The following AKAP19 variants were observed in gnomAD, a reference collection of about 807,000 sequenced individuals.
The protein encoded by AKAP19 is small A-kinase anchoring protein.
At chr2:189,902,068 A>G in the AKAP19 span, among the ~76,000 whole-genome samples, 3 of 152,136 alleles carry the variant, frequency 2.0e-5, no homozygotes, top group Non-Finnish European at 4.4e-5. Flanking sequence ...CTATTATATT[A>G]GAACCATACT....
chr2:189,995,788 C>G, the AKAP19 span, among the ~76,000 whole-genome samples: 8 of 151,750 alleles, frequency 5.3e-5, no homozygotes, highest in Admixed American at 6.6e-5. Context: ...ATATAGAACT[C>G]CTTTTAGCAT....
chr2:189,926,909 G>A, the AKAP19 span, among the ~76,000 whole-genome samples: 1 of 151,186 alleles, frequency 6.6e-6, no homozygotes, highest in Non-Finnish European at 1.5e-5. Context: ...TAAGAGCAAG[G>A]ATCTTACTTT....
At chr2:190,168,744 CAA>C in the AKAP19 span, among the ~76,000 whole-genome samples, 1 of 152,292 alleles carries the variant, frequency 6.6e-6, no homozygotes, top group Non-Finnish European at 1.5e-5. Flanking sequence ...TAAAACATAA[CAA>C]GAGTCACTTT....
the AKAP19 span, among the ~76,000 whole-genome samples, chr2:190,003,692 C>T: frequency 2.0e-5 from 3 of 152,004 alleles, no homozygotes; most frequent in Non-Finnish European, 4.4e-5. Context: ...GGAGAAACCC[C>T]GTCTTTACTA....
chr2:189,958,057 G>A, the AKAP19 span, among the ~76,000 whole-genome samples: 4 of 152,174 alleles, frequency 2.6e-5, no homozygotes, highest in Non-Finnish European at 5.9e-5. Context: ...GCCTCCCAAA[G>A]TGGTGGGATT....
At chr2:190,023,869 A>G in the AKAP19 span, among the ~76,000 whole-genome samples, 11 of 150,926 alleles carry the variant, frequency 7.3e-5, no homozygotes, top group Admixed American at 6.6e-4. Context: ...AAGTAAAGCT[A>G]TATTAGTTAC....
At chr2:189,996,589 C>G in the AKAP19 span, among the ~76,000 whole-genome samples, 10 of 152,218 alleles carry the variant, frequency 6.6e-5, no homozygotes, top group Middle Eastern at 3.4e-3. Flanking sequence ...AATTCTTCAT[C>G]TGGTAATTCA....
At chr2:190,022,170 C>T in the AKAP19 span, among the ~76,000 whole-genome samples, 1 of 152,120 alleles carries the variant, frequency 6.6e-6, no homozygotes, top group Non-Finnish European at 1.5e-5. Context: ...CTTTTCAGTA[C>T]TGCCACATTG....
the AKAP19 span, among the ~76,000 whole-genome samples, chr2:190,193,325 C>T: frequency 1.7e-4 from 26 of 151,980 alleles, no homozygotes; most frequent in Non-Finnish European, 1.3e-4. Context: ...CCATTTTACA[C>T]GTTAGATTCA....
At chr2:190,124,915 A>C in the AKAP19 span, among the ~76,000 whole-genome samples, 1,853 of 152,158 alleles carry the variant, frequency 0.012, 35 homozygotes, top group African/African-American at 0.041. Flanking sequence ...AATCGAAGAC[A>C]AAAACACACA....
chr2:190,031,484 C>T, the AKAP19 span, among the ~76,000 whole-genome samples: 1 of 152,034 alleles, frequency 6.6e-6, no homozygotes. Flanking sequence ...TCAGAGAGCT[C>T]TTAAAAGACT....
chr2:190,112,772 C>T, the AKAP19 span, among the ~76,000 whole-genome samples: 1 of 151,988 alleles, frequency 6.6e-6, no homozygotes, highest in African/African-American at 2.4e-5. Context: ...TAGGATTTTG[C>T]ATCTATGCTT....
At chr2:190,187,277 T>C in the AKAP19 span, among the ~76,000 whole-genome samples, 1 of 152,178 alleles carries the variant, frequency 6.6e-6, no homozygotes, top group Admixed American at 6.5e-5. Flanking sequence ...CTTAGAAACC[T>C]GTGTAAAGGC....
chr2:190,141,300 G>A, the AKAP19 span, among the ~76,000 whole-genome samples: 10 of 152,204 alleles, frequency 6.6e-5, no homozygotes, highest in South Asian at 2.1e-4. Context: ...TTTCAAAGTC[G>A]CTTCCACATT....
chr2:189,968,167 CAA>C, the AKAP19 span, among the ~76,000 whole-genome samples: 1 of 152,042 alleles, frequency 6.6e-6, no homozygotes, highest in Non-Finnish European at 1.5e-5. Context: ...GGACAAATAT[CAA>C]AGTGATAGAT....
At chr2:190,023,912 G>C in the AKAP19 span, among the ~76,000 whole-genome samples, 1 of 151,234 alleles carries the variant, frequency 6.6e-6, no homozygotes, top group South Asian at 2.1e-4. Context: ...TTGCAATGAC[G>C]TCTTTTAGAT....
chr2:190,057,022 C>T, the AKAP19 span: 1 of 497,736 alleles, frequency 2.0e-6, no homozygotes, highest in Non-Finnish European at 3.6e-6. Flanking sequence ...GTAATTTGAT[C>T]TCCTTCTAGC....
the AKAP19 span, among the ~76,000 whole-genome samples, chr2:190,012,278 C>T: frequency 6.8e-6 from 1 of 146,500 alleles, no homozygotes; most frequent in Non-Finnish European, 1.5e-5. Flanking sequence ...TCACACACCA[C>T]CACACCTGAC....
the AKAP19 span, among the ~76,000 whole-genome samples, chr2:189,885,263 C>A: frequency 6.6e-6 from 1 of 152,176 alleles, no homozygotes. Flanking sequence ...AACCTTGCAG[C>A]CTTCCTGGCT....
Sources: gnomAD v4.1 joint callset for allele counts (sites outside exome capture counted in the v4.1 genomes callset) on GRCh38, gnomAD v4.1.1 for gene constraint, MANE v1.5 for transcripts, NCBI Gene and HGNC (gene_info 2026-07-23, HGNC 2026-07-21) for gene names.